The following RSPH6A variants were observed in gnomAD, a reference collection of about 807,000 sequenced individuals.
RSPH6A encodes radial spoke head protein 6 homolog A.
A neutral mutation model predicts 66.1 loss-of-function variants in RSPH6A; 49 were observed. The observed-to-expected ratio is 0.74, with a 90% CI of 0.59 to 0.94. The LOEUF is 0.94. RSPH6A is among the 40% of genes least tolerant of loss of function. The pLI is 0.00. For synonymous variants in RSPH6A, 419 were observed against 402.4 expected (o/e 1.04, Z -0.49); for missense variants, 977 against 948.3 (o/e 1.03, Z -0.40).
At chr19:45,798,951 C>G (rs187019238) in intron 5 of RSPH6A, among the ~76,000 whole-genome samples, 39 of 151,730 alleles carry the variant, frequency 2.6e-4, no homozygotes, top group African/African-American at 9.2e-4. Context: ...GATGGATGGA[C>G]AAGTGGAGCC....
chr19:45,805,118 C>G, intron 2 of RSPH6A, 102 bp from the exon 3 acceptor site: 1 of 1,020,424 alleles, frequency 9.8e-7, no homozygotes, highest in Non-Finnish European at 1.4e-6. Flanking sequence ...TAAAAGAGGC[C>G]GGGTGCAGTG....
chr19:45,810,762 C>T lies in RSPH6A; in HGVS notation c.729G>A (p.Leu243=), dbSNP rs1422241399. The T allele has an allele frequency of 9.3e-6, 15 of 1,614,038 alleles. No homozygotes were observed. The highest frequency in any genetic ancestry group is 1.6e-4 in the Middle Eastern group (1 of 6,084). The change falls in exon 2 of 6, where the codon CTG becomes CTA. Residue 243 remains leucine (L), a synonymous_variant. Coordinates refer to ENST00000221538, the MANE Select transcript of RSPH6A (RefSeq NM_030785.4). ...ACCACTCCCACTGCGTGGTGCGGTT[C>T]AGAGACTCCAGGACAGACAAGGGGT... ...PEDPLSVLES[L]NRTTQWEWFH...
chr19:45,798,186 C>G (rs1970428743), intron 5 of RSPH6A, among the ~76,000 whole-genome samples: 1 of 150,934 alleles, frequency 6.6e-6, no homozygotes, highest in Non-Finnish European at 1.5e-5. Flanking sequence ...TGGTGAAACC[C>G]CATCTCTACT....
intron 5 of RSPH6A, among the ~76,000 whole-genome samples, chr19:45,798,787 C>T (rs1490130720): frequency 1.3e-5 from 2 of 149,968 alleles, no homozygotes; most frequent in African/African-American, 2.5e-5. Context: ...TGCAGTGAGC[C>T]GAGATCGCGC....
chr19:45,800,464 T>C lies in RSPH6A; in HGVS notation c.1898A>G (p.Tyr633Cys), dbSNP rs1422846137. Residue 633 changes from tyrosine (Y) to cysteine (C), a missense_variant, in exon 5 of 6, where the codon TAT becomes TGT. Coordinates refer to ENST00000221538, the MANE Select transcript of RSPH6A (RefSeq NM_030785.4). The stretch of plus-strand genomic sequence containing the variant: ...GACCTACTTGCCACTGGCATAGGCA[T>C]AGGCCCCGGGCCAGAGGTTGGAGCG... ...VVRSNLWPGA[Y>C]AYASGKKFEN... The C allele has an allele frequency of 3.1e-6, 5 of 1,613,018 alleles. No individual in the cohort carries two copies. Among genetic ancestry groups the C allele is most frequent in the Admixed American group, 3.3e-5 (2 of 59,926 alleles).
intron 2 of RSPH6A, among the ~76,000 whole-genome samples, chr19:45,806,940 G>T (rs1970552016): frequency 6.6e-6 from 1 of 151,368 alleles, no homozygotes; most frequent in Admixed American, 6.6e-5. Context: ...TGTCACCCAG[G>T]CTGGAGTGCA....
At position 45,814,829 on chromosome 19, in the gene RSPH6A, G is replaced by T; in HGVS notation, c.348C>A (p.Thr116=). 1 of 1,614,132 alleles carries T rather than the reference G, an allele frequency of 6.2e-7. No individual in the cohort carries two copies. The highest frequency in any genetic ancestry group is 8.5e-7 in the Non-Finnish European group (1 of 1,179,992). The part of the protein sequence containing the change: ...ESRMQVAELT[T]SLMLQRLQQG... The stretch of plus-strand genomic sequence containing the variant: ...GCTGGAGCCGCTGCAGCATTAGGCT[G>T]GTGGTGAGCTCGGCGACCTGCATCC... The change falls in exon 1 of 6, where the codon ACC becomes ACA. Residue 116 remains threonine (T), a synonymous_variant. Coordinates refer to ENST00000221538, the MANE Select transcript of RSPH6A (RefSeq NM_030785.4).
chr19:45,811,959 T>G (rs2146289976), intron 1 of RSPH6A, among the ~76,000 whole-genome samples: 1 of 149,086 alleles, frequency 6.7e-6, no homozygotes, highest in South Asian at 2.2e-4. Context: ...TTTTGTATTT[T>G]TAGTAGAGAC....
At chr19:45,808,810 C>T (rs139063750) in intron 2 of RSPH6A, among the ~76,000 whole-genome samples, 12,641 of 146,308 alleles carry the variant, frequency 0.086, 633 homozygotes, top group Non-Finnish European at 0.11. Context: ...TACAGGTGAC[C>T]GCCACCACGC....
intron 5 of RSPH6A, 54 bp from the exon 6 acceptor site, chr19:45,796,160 CTT>C (rs373732701): frequency 0.023 from 20,175 of 888,134 alleles, 1 homozygote; most frequent in South Asian, 0.036. Flanking sequence ...CCAGACTTGA[CTT>C]TTTTTTTTTT....
At position 45,805,113 on chromosome 19, in the gene RSPH6A, G is replaced by C. The variant is rs1970527302; in HGVS notation, c.889-97C>G. On this transcript the variant is annotated intron_variant, in intron 2 of 5. Transcript: ENST00000221538. ...TCTTCTAGAGTCAAGAGAGCTAAAA[G>C]AGGCCGGGTGCAGTGGCTCACGCCT... 3 of 1,096,744 alleles carry C rather than the reference G, an allele frequency of 2.7e-6. No homozygotes were observed. In the South Asian group the frequency reaches 4.7e-5, roughly 17 times the overall value. The allele number at this position is 1,096,744 out of a possible 1,614,324, so 67.9% of individuals were successfully genotyped here.
At chr19:45,809,236 C>T (rs1970589971) in intron 2 of RSPH6A, among the ~76,000 whole-genome samples, 1 of 140,338 alleles carries the variant, frequency 7.1e-6, no homozygotes, top group Admixed American at 7.2e-5. Context: ...CTCCTGACCT[C>T]GTGATCCACC....
intron 1 of RSPH6A, among the ~76,000 whole-genome samples, chr19:45,813,164 T>C (rs1970650324): frequency 6.6e-6 from 1 of 152,190 alleles, no homozygotes; most frequent in East Asian, 1.9e-4. Context: ...CTTCCTCCCT[T>C]GGTTCCAGAC....
Position 45,804,701 on chromosome 19 carries a change from T to A in RSPH6A, c.1204A>T (p.Ile402Phe). ...GGCTTCCATACGGACTTAGGGACGA[T>A]GTCCACGGCCTTCTCCTCGTCCTCC... ...GEEDEEKAVDIVPKSVWKPPP... is the reference protein window; with the variant it reads ...GEEDEEKAVDFVPKSVWKPPP... The change falls in exon 3 of 6, where the codon ATC becomes TTC. Residue 402 changes from isoleucine to phenylalanine, a missense_variant. Ile to Phe is a conservative substitution (Grantham distance 21). Coordinates refer to ENST00000221538, the MANE Select transcript of RSPH6A (RefSeq NM_030785.4). The surrounding 1 kb of genome is among the most constrained non-coding windows in gnomAD (Gnocchi z 5.8). The A allele has an allele frequency of 6.2e-7, 1 of 1,613,472 alleles. No homozygotes were observed. The highest frequency in any genetic ancestry group is 8.5e-7 in the Non-Finnish European group (1 of 1,179,952).
chr19:45,796,698 A>T (rs776096065), intron 5 of RSPH6A, among the ~76,000 whole-genome samples: 8 of 151,854 alleles, frequency 5.3e-5, no homozygotes, highest in Admixed American at 1.3e-4. Context: ...TTTTTAGTAG[A>T]GACGGGGTTT....
intron 2 of RSPH6A, among the ~76,000 whole-genome samples, chr19:45,808,582 G>C (rs1277840547): frequency 1.3e-5 from 2 of 149,878 alleles, no homozygotes; most frequent in Non-Finnish European, 3.0e-5. Context: ...GACAGAATGA[G>C]ACTCCATCTC....
At chr19:45,811,769 A>C (rs113806624) in intron 1 of RSPH6A, among the ~76,000 whole-genome samples, 2 of 134,464 alleles carry the variant, frequency 1.5e-5, no homozygotes, top group South Asian at 4.9e-4. Context: ...TATTATTATT[A>C]TTATTATTAT....
At chr19:45,810,941 G>T in intron 1 of RSPH6A, 101 bp from the exon 2 acceptor site, 1 of 867,968 alleles carries the variant, frequency 1.2e-6, no homozygotes. Context: ...TGGGGACACA[G>T]TAGGGAACTG....
At position 45,814,716 on chromosome 19, in the gene RSPH6A, G is replaced by C; in HGVS notation, c.461C>G (p.Thr154Arg). 1 of 1,613,650 alleles carries C rather than the reference G, an allele frequency of 6.2e-7. No individual in the cohort carries two copies. The highest frequency in any genetic ancestry group is 1.3e-5 in the African/African-American group (1 of 75,066). ...NPLGQFNLYQ[T>R]DQFSEGAQHG... Reference sequence around the variant, plus strand: ...CTGGGCACCTTCAGAGAACTGGTCTGTCTGGTAGAGGTTGAACTGGCCCAA... The same window carrying C: ...CTGGGCACCTTCAGAGAACTGGTCTCTCTGGTAGAGGTTGAACTGGCCCAA... The change falls in exon 1 of 6, where the codon ACA (threonine) becomes AGA (arginine). Residue 154 changes from threonine (T) to arginine (R), a missense_variant. Transcript: ENST00000221538.
Sources: allele counts gnomAD v4.1 joint callset (sites outside exome capture counted in the v4.1 genomes callset), GRCh38; gene constraint gnomAD v4.1.1; non-coding constraint Gnocchi (gnomAD v3.1); transcripts MANE v1.5; gene names NCBI Gene and HGNC (gene_info 2026-07-23, HGNC 2026-07-21).